Variants in CCDC71 observed in about 807,000 individuals in gnomAD.
CCDC71 encodes coiled-coil domain-containing protein 71.
For synonymous variants in CCDC71, 257 were observed against 242.2 expected (o/e 1.06, Z -0.57); for missense variants, 594 against 604.0 (o/e 0.98, Z 0.17).
At chr3:49,164,325 C>G (rs1419869415) in intron 1 of CCDC71, 65 bp from the exon 2 acceptor site, 32 of 933,458 alleles carry the variant, frequency 3.4e-5, no homozygotes, top group Non-Finnish European at 5.1e-5. Flanking sequence ...AACACATAGA[C>G]AAGTCAATCA....
Position 49,163,898 on chromosome 3 carries a change from C to G in CCDC71, c.311G>C (p.Arg104Pro), listed in dbSNP as rs778252386. The G allele has an allele frequency of 6.2e-7, 1 of 1,614,148 alleles. No homozygotes were observed. Among genetic ancestry groups the G allele is most frequent in the Non-Finnish European group, 8.5e-7 (1 of 1,180,024 alleles). Reference protein sequence around the residue: ...TATSPPASAPRTAMRLPAGRA... With the variant: ...TATSPPASAPPTAMRLPAGRA... ...ACCTGCAGGCAACCGCATGGCAGTT[C>G]GGGGAGCACTGGCTGGAGGTGATGT... The change falls in exon 2 of 2, where the codon CGA becomes CCA. Residue 104 changes from arginine to proline, a missense_variant. By Grantham distance (103) the Arg-to-Pro change is moderately radical (BLOSUM62 -2). Coordinates refer to ENST00000321895, the MANE Select transcript of CCDC71 (RefSeq NM_022903.4).
rs1262225463 is a variant in CCDC71 at position 49,163,832 on chromosome 3, G to C, written c.377C>G (p.Ala126Gly). The change falls in exon 2 of 2, where the codon GCC (alanine) becomes GGC (glycine). Residue 126 changes from alanine to glycine, a missense_variant. Coordinates refer to ENST00000321895, the MANE Select transcript of CCDC71 (RefSeq NM_022903.4). ...LLPMPLSGRL[A>G]KASTPALAKH... Reference sequence around the variant, plus strand: ...GGCAAGGGCTGGTGTGGATGCTTTGGCCAGTCTGCCAGATAGCGGCATGGG... The same window carrying C: ...GGCAAGGGCTGGTGTGGATGCTTTGCCCAGTCTGCCAGATAGCGGCATGGG... 1 of 1,614,196 alleles carries C rather than the reference G, an allele frequency of 6.2e-7. No homozygotes were observed. The highest frequency in any genetic ancestry group is 8.5e-7 in the Non-Finnish European group (1 of 1,180,040).
rs925759700 is a variant in CCDC71, at chr3:49,164,351, T to G, written c.-52-91A>C. ...AAGTCAATCAGTGCCCCAATCTCCA[T>G]GACACTGAGGAATCTGGCCAGAGTG... On this transcript the variant is annotated intron_variant, in intron 1 of 1. Coordinates refer to ENST00000321895, the MANE Select transcript of CCDC71 (RefSeq NM_022903.4). The G allele has an allele frequency of 6.7e-6, 5 of 747,012 alleles. No individual in the cohort carries two copies. In the Admixed American group the frequency reaches 1.4e-4, roughly 20 times the overall value. The allele number at this position is 747,012 out of a possible 1,614,324, so 46.3% of individuals were successfully genotyped here.
rs781477047 is a variant in CCDC71, at chr3:49,163,385, G to A, written c.824C>T (p.Ala275Val). 1 of 1,614,056 alleles carries A rather than the reference G, an allele frequency of 6.2e-7. No homozygotes were observed. Among genetic ancestry groups the A allele is most frequent in the Non-Finnish European group, 8.5e-7 (1 of 1,180,038 alleles). ...GGCCTGGGCTGTTTTGGTGCCCAGG[G>A]CAGAGCCCCCTTTCATTCGCCGGAC... ...PSVRRMKGGSALGTKTAQAKV... is the reference protein window; with the variant it reads ...PSVRRMKGGSVLGTKTAQAKV... The change falls in exon 2 of 2, where the codon GCC becomes GTC. Residue 275 changes from alanine (A) to valine (V), a missense_variant. By Grantham distance (64) the Ala-to-Val change is moderately conservative (BLOSUM62 0). Transcript: ENST00000321895.
Position 49,162,625 on chromosome 3 carries a change from G to T in CCDC71, c.*180C>A. On this transcript the variant is annotated 3_prime_UTR_variant, in exon 2 of 2. Coordinates refer to ENST00000321895, the MANE Select transcript of CCDC71 (RefSeq NM_022903.4). ...ATCGCGCCATGAAAACACCCCTCCC[G>T]CCCACCCACCCCACCGTACCCCACC... The T allele has an allele frequency of 5.6e-5, 2 of 35,672 alleles. 1 individual carries two copies. The highest frequency in any genetic ancestry group is 1.1e-4 in the Non-Finnish European group (2 of 17,486). The allele number at this position is 35,672 out of a possible 1,614,324, so 2.2% of individuals were successfully genotyped here. A position where few individuals can be genotyped will look rare whatever the true frequency, so the allele number is the denominator to read the frequency against.
At position 49,163,756 on chromosome 3, in the gene CCDC71, G is replaced by A; in HGVS notation, c.453C>T (p.Ala151=). The A allele has an allele frequency of 6.2e-7, 1 of 1,614,134 alleles. No individual in the cohort carries two copies. The highest frequency in any genetic ancestry group is 8.5e-7 in the Non-Finnish European group (1 of 1,180,034). The change falls in exon 2 of 2, where the codon GCC becomes GCT. Residue 151 remains alanine (A), a synonymous_variant. Transcript: ENST00000321895. ...CCACTGCTGCACCCCGGGCATGGCT[G>A]GCACTTGATTGCTTCAGAGAGCTCA... ...LLLSSLKQSS[A]SHARGAAVGF...
intron 1 of CCDC71, among the ~76,000 whole-genome samples, chr3:49,164,465 G>A (rs2107654696): frequency 6.6e-6 from 1 of 152,290 alleles, no homozygotes; most frequent in East Asian, 1.9e-4. Context: ...GTTTCTTCAA[G>A]ATACATGCTC....
In CCDC71 at chr3:49,163,107, C is replaced by G; in HGVS notation, c.1102G>C (p.Gly368Arg). The G allele has an allele frequency of 3.1e-6, 5 of 1,614,252 alleles. No individual in the cohort carries two copies. Among genetic ancestry groups the G allele is most frequent in the Non-Finnish European group, 4.2e-6 (5 of 1,180,046 alleles). The change falls in exon 2 of 2, where the codon GGA becomes CGA. Residue 368 changes from glycine (G) to arginine (R), a missense_variant. By Grantham distance (125) the Gly-to-Arg change is moderately radical. Coordinates refer to ENST00000321895, the MANE Select transcript of CCDC71 (RefSeq NM_022903.4). The part of the protein sequence containing the change: ...TQPRGRGRPK[G>R]SAKARTTRKG... ...CTTGTAGTTCTGGCCTTAGCAGATC[C>G]CTTTGGCCTGCCTCTGCCCCTGGGC...
In CCDC71 at chr3:49,162,621, T is replaced by TGC; in HGVS notation, c.*183_*184insGC. ...GTGCATCGCGCCATGAAAACACCCC[T>TGC]CCCGCCCACCCACCCCACCGTACCC... On this transcript the variant is annotated 3_prime_UTR_variant, in exon 2 of 2. Coordinates refer to ENST00000321895, the MANE Select transcript of CCDC71 (RefSeq NM_022903.4). The TGC allele has an allele frequency of 7.6e-4, 22 of 28,832 alleles. 8 individuals are homozygous for TGC. Among genetic ancestry groups the TGC allele is most frequent in the Admixed American group, 2.7e-3 (5 of 1,840 alleles). 1.8% of individuals were successfully genotyped at this position (28,832 alleles called of 1,614,324 possible).
Position 49,162,862 on chromosome 3 carries a change from G to C in CCDC71, c.1347C>G (p.Arg449=), listed in dbSNP as rs375670218. 1.9e-5 allele frequency: 30 copies of C among 1,614,048 alleles called. No homozygotes were observed. Among genetic ancestry groups the C allele is most frequent in the Non-Finnish European group, 2.5e-5 (29 of 1,180,020 alleles). ...GCCGTATTACAGGTGACAGGTTCAC[G>C]CGGAGGATCCGCTGAGCCCGCTGCC... is the stretch of plus-strand genomic sequence containing the variant. ...EVRQRAQRIL[R]VNLSPVIRLQ... Residue 449 remains arginine (R), a synonymous_variant, in exon 2 of 2, where the codon CGC becomes CGG. Coordinates refer to ENST00000321895, the MANE Select transcript of CCDC71 (RefSeq NM_022903.4).
chr3:49,166,001 A>G lies in CCDC71; in HGVS notation c.-53+266T>C, dbSNP rs2045722250. ...GGGGAGGGGGCAGATCGGGGCCCTC[A>G]GGCTGGGAATGCACGTCCTTAGGGC... is the stretch of plus-strand genomic sequence containing the variant. On this transcript the variant is annotated intron_variant, in intron 1 of 1. Coordinates refer to ENST00000321895, the MANE Select transcript of CCDC71 (RefSeq NM_022903.4). This position sits in a 1 kb window ranked among gnomAD's most constrained non-coding sequence, Gnocchi z 4.0. Among the ~76,000 whole-genome samples the G allele has an allele frequency of 6.6e-6, 1 of 152,206 alleles. No homozygotes were observed.
Position 49,163,215 on chromosome 3 carries a change from T to C in CCDC71, c.994A>G (p.Lys332Glu). The C allele has an allele frequency of 1.3e-6, 2 of 1,572,920 alleles. No individual in the cohort carries two copies. The highest frequency in any genetic ancestry group is 8.7e-7 in the Non-Finnish European group (1 of 1,150,026). Residue 332 changes from lysine (K) to glutamate (E), a missense_variant, in exon 2 of 2, where the codon AAG becomes GAG. Transcript: ENST00000321895. Reference sequence around the variant, plus strand: ...GCCCATGCTGCCATGACTTTGGCCTTGGCCTTGACCTGTGCTGCCTTAGCT... The same window carrying C: ...GCCCATGCTGCCATGACTTTGGCCTCGGCCTTGACCTGTGCTGCCTTAGCT... ...AKAKAAQVKA[K>E]AKVMAAWAKA...
In CCDC71 at chr3:49,164,236, G is replaced by A. The variant is rs778267449; in HGVS notation, c.-28C>T. 1.9e-6 allele frequency: 3 copies of A among 1,592,728 alleles called. No homozygotes were observed. The highest frequency in any genetic ancestry group is 1.7e-6 in the Non-Finnish European group (2 of 1,164,970). On this transcript the variant is annotated 5_prime_UTR_variant, in exon 2 of 2. Coordinates refer to ENST00000321895, the MANE Select transcript of CCDC71 (RefSeq NM_022903.4). The stretch of plus-strand genomic sequence containing the variant: ...CATTAGGCACTGCAGATCTGCCTGG[G>A]TATCCGCAAACCAGCGCTTGGCACC...
rs1472614003 is a variant in CCDC71 at position 49,165,654 on chromosome 3, CCAA to C, written c.-53+610_-53+612del. Among the ~76,000 whole-genome samples the C allele has an allele frequency of 4.6e-5, 7 of 152,272 alleles. 1 individual carries two copies. Among genetic ancestry groups the C allele is most frequent in the Non-Finnish European group, 8.8e-5 (6 of 68,046 alleles). The stretch of plus-strand genomic sequence containing the variant: ...ACTTCCCCTCCCCAGAGACCGTTCT[CCAA>C]GCACAATCCTTGCACATGACTTTAG... On this transcript the variant is annotated intron_variant, in intron 1 of 1. Transcript: ENST00000321895.
chr3:49,163,662 C>T lies in CCDC71; in HGVS notation c.547G>A (p.Val183Ile). The change falls in exon 2 of 2, where the codon GTT becomes ATT. Residue 183 changes from valine to isoleucine, a missense_variant. Coordinates refer to ENST00000321895, the MANE Select transcript of CCDC71 (RefSeq NM_022903.4). ...CAGGGCATGGGAGTCTTAAGTGGAACCAGGGCCTCAAGGACAACAGAGAGC... is the reference window on the plus strand; with the variant it reads ...CAGGGCATGGGAGTCTTAAGTGGAATCAGGGCCTCAAGGACAACAGAGAGC... Reference protein sequence around the residue: ...MRLSVVLEALVPLKTPMPCLG... With the variant: ...MRLSVVLEALIPLKTPMPCLG... 1.2e-6 allele frequency: 2 copies of T among 1,614,080 alleles called. No individual in the cohort carries two copies. The highest frequency in any genetic ancestry group is 1.7e-6 in the Non-Finnish European group (2 of 1,180,026).
rs2045709482 is a variant in CCDC71, at chr3:49,164,067, G to C, written c.142C>G (p.Leu48Val). ...SQDLSATEAQ[L>V]VAFLQGLRDD... ...CGCAGGCCCTGCAGGAAGGCCACAAGCTGGGCCTCTGTGGCACTGAGATCC... is the reference window on the plus strand; with the variant it reads ...CGCAGGCCCTGCAGGAAGGCCACAACCTGGGCCTCTGTGGCACTGAGATCC... Residue 48 changes from leucine to valine, a missense_variant, in exon 2 of 2, where the codon CTT (leucine) becomes GTT (valine). Transcript: ENST00000321895. The C allele has an allele frequency of 6.2e-7, 1 of 1,614,144 alleles. No homozygotes were observed. Among genetic ancestry groups the C allele is most frequent in the Non-Finnish European group, 8.5e-7 (1 of 1,180,022 alleles).
At position 49,164,047 on chromosome 3, in the gene CCDC71, G is replaced by C. The variant is rs1344346503; in HGVS notation, c.162C>G (p.Gly54=). 2 of 1,614,024 alleles carry C rather than the reference G, an allele frequency of 1.2e-6. No individual in the cohort carries two copies. The highest frequency in any genetic ancestry group is 2.7e-5 in the African/African-American group (2 of 74,906). Residue 54 remains glycine, a synonymous_variant, in exon 2 of 2, where the codon GGC becomes GGG. Transcript: ENST00000321895. ...TAGGTTGGAAGCCATCATCTCGCAGGCCCTGCAGGAAGGCCACAAGCTGGG... is the reference window on the plus strand; with the variant it reads ...TAGGTTGGAAGCCATCATCTCGCAGCCCCTGCAGGAAGGCCACAAGCTGGG... ...TEAQLVAFLQ[G]LRDDGFQPTI...
Position 49,163,032 on chromosome 3 carries a change from C to G in CCDC71, c.1177G>C (p.Ala393Pro). ...GGAGGAAGATCTTTTGCCTCCTCAGCCCTTTTCCTCTTCTGCCCAACAGTC... is the reference window on the plus strand; with the variant it reads ...GGAGGAAGATCTTTTGCCTCCTCAGGCCTTTTCCTCTTCTGCCCAACAGTC... ...PETVGQKRKR[A>P]EEAKDLPPKK... is the part of the protein sequence containing the mutation. Residue 393 changes from alanine to proline, a missense_variant, in exon 2 of 2, where the codon GCT becomes CCT. Coordinates refer to ENST00000321895, the MANE Select transcript of CCDC71 (RefSeq NM_022903.4). The G allele has an allele frequency of 6.2e-7, 1 of 1,614,268 alleles. No individual in the cohort carries two copies. The highest frequency in any genetic ancestry group is 8.5e-7 in the Non-Finnish European group (1 of 1,180,050).
At position 49,163,753 on chromosome 3, in the gene CCDC71, G is replaced by A. The variant is rs909431069; in HGVS notation, c.456C>T (p.Ser152=). ...LLSSLKQSSA[S]HARGAAVGFP... is the part of the protein sequence containing the mutation. ...AGCCCACTGCTGCACCCCGGGCATG[G>A]CTGGCACTTGATTGCTTCAGAGAGC... is the stretch of plus-strand genomic sequence containing the variant. The change falls in exon 2 of 2, where the codon AGC becomes AGT. Residue 152 remains serine (S), a synonymous_variant. Transcript: ENST00000321895. 4.3e-6 allele frequency: 7 copies of A among 1,613,990 alleles called. No homozygotes were observed. The highest frequency in any genetic ancestry group is 3.3e-5 in the Admixed American group (2 of 60,006).
Sources: gnomAD v4.1 joint callset for allele counts (sites outside exome capture counted in the v4.1 genomes callset) on GRCh38, gnomAD v4.1.1 for gene constraint, Gnocchi (gnomAD v3.1) non-coding constraint, MANE v1.5 for transcripts, NCBI Gene and HGNC (gene_info 2026-07-23, HGNC 2026-07-21) for gene names.